The following UTRN variants were observed in gnomAD, a reference collection of about 807,000 sequenced individuals.
UTRN encodes utrophin, also known as dystrophin-related protein 1.
In UTRN, 283 loss-of-function variants were observed where a neutral mutation model predicts 463.9. The observed-to-expected ratio is 0.61, with a 90% confidence interval of 0.55 to 0.67. The LOEUF (loss-of-function observed/expected upper bound fraction) is 0.67, where lower values mean the gene tolerates loss of function less well. UTRN is among the 30% of genes least tolerant of loss of function. UTRN has a pLI of 0.00. For missense variants in UTRN, 3,922 were observed against 4,084.3 expected, an observed-to-expected ratio of 0.96 and a Z score of 1.08; for synonymous variants, 1,442 against 1,431.5, an observed-to-expected ratio of 1.01 and a Z score of -0.17.
At chr6:144,292,032 T>C in intron 2 of UTRN, 125 bp downstream of exon 2, 1 of 887,466 alleles carries the variant, frequency 1.1e-6, no homozygotes, top group Non-Finnish European at 1.6e-6. Context: ...AGAAACTGAA[T>C]TCTGACAAAT....
At chr6:144,660,903 C>T (rs1020477059) in intron 51 of UTRN, among the ~76,000 whole-genome samples, 4 of 152,186 alleles carry the variant, frequency 2.6e-5, no homozygotes, top group African/African-American at 9.7e-5. Flanking sequence ...AGGAAGGCTC[C>T]TGGCACAATC....
intron 74 of UTRN, among the ~76,000 whole-genome samples, chr6:144,847,982 G>A (rs1782163680): frequency 6.6e-6 from 1 of 152,162 alleles, no homozygotes; most frequent in Non-Finnish European, 1.5e-5. Context: ...TTGAAACAAT[G>A]AGCCTTCTGA....
intron 69 of UTRN, among the ~76,000 whole-genome samples, chr6:144,830,736 T>G (rs201569774): frequency 1.6e-5 from 2 of 126,624 alleles, no homozygotes; most frequent in Non-Finnish European, 3.3e-5. Flanking sequence ...TTTGTTTTTT[T>G]TTTGCTTTTT....
At chr6:144,527,672 C>T (rs1796680789) in intron 41 of UTRN, among the ~76,000 whole-genome samples, 1 of 152,118 alleles carries the variant, frequency 6.6e-6, no homozygotes, top group Non-Finnish European at 1.5e-5. Context: ...TTCATGGAGG[C>T]TTTGTTCATT....
chr6:144,649,299 C>T (rs546873173), intron 51 of UTRN, among the ~76,000 whole-genome samples: 2 of 152,108 alleles, frequency 1.3e-5, no homozygotes, highest in African/African-American at 2.4e-5. Flanking sequence ...AGGAATGATG[C>T]CTGGTAGGTA....
rs543164497 is a variant in UTRN at position 144,395,295 on chromosome 6, A to G, written c.80-7828A>G. Among the ~76,000 whole-genome samples the G allele has an allele frequency of 3.3e-5, 5 of 152,296 alleles. No individual in the cohort carries two copies. In the East Asian group the frequency reaches 9.6e-4, roughly 29 times the overall value. ...AATCTTCACTCCAGGACAAAAATTC[A>G]AAGTGAAGTGTTTGTATGTAAGGTT... On this transcript the variant is annotated intron_variant, in intron 2 of 74. Transcript: ENST00000367545.
chr6:144,583,189 C>T (rs1257594107), intron 51 of UTRN: 2 of 299,340 alleles, frequency 6.7e-6, no homozygotes, highest in Non-Finnish European at 1.2e-5. Flanking sequence ...CTCCCGCAGC[C>T]GGCAGCGCTT....
chr6:144,370,044 TG>T lies in UTRN; in HGVS notation c.80-33077del, dbSNP rs1428359925. The stretch of plus-strand genomic sequence containing the variant: ...ATGGACTAATGCAAGAAATTTGTAC[TG>T]GTAGAGTTGGGTACTGCTAATTAAG... On this transcript the variant is annotated intron_variant, in intron 2 of 74. Coordinates refer to ENST00000367545, the MANE Select transcript of UTRN (RefSeq NM_007124.3). Among the ~76,000 whole-genome samples, 8 of 152,224 alleles carry T rather than the reference TG, an allele frequency of 5.3e-5. No homozygotes were observed. The East Asian group carries it at 1.5e-3, about 29-fold the overall frequency.
chr6:144,402,661 G>C (rs1783029304), intron 2 of UTRN, among the ~76,000 whole-genome samples: 1 of 152,128 alleles, frequency 6.6e-6, no homozygotes, highest in Admixed American at 6.5e-5. Flanking sequence ...CATTCTAGAG[G>C]GTGTAGGACC....
chr6:144,554,545 T>G, intron 48 of UTRN, 143 bp from the exon 49 acceptor site: 1 of 837,848 alleles, frequency 1.2e-6, no homozygotes, highest in Non-Finnish European at 1.8e-6. Context: ...CAGATGTATA[T>G]TAAAATTCCT....
At chr6:144,632,938 C>G (rs1163506025) in intron 51 of UTRN, among the ~76,000 whole-genome samples, 1 of 152,052 alleles carries the variant, frequency 6.6e-6, no homozygotes, top group Non-Finnish European at 1.5e-5. Context: ...TCAGGCTGGT[C>G]TTGAACTCTC....
At chr6:144,746,485 T>C (rs2128721695) in intron 54 of UTRN, among the ~76,000 whole-genome samples, 1 of 152,186 alleles carries the variant, frequency 6.6e-6, no homozygotes, top group East Asian at 1.9e-4. Flanking sequence ...TTTTTTTATT[T>C]TTATTTTTAT....
intron 51 of UTRN, among the ~76,000 whole-genome samples, chr6:144,599,578 C>T (rs976114943): frequency 6.6e-6 from 1 of 151,940 alleles, no homozygotes; most frequent in Non-Finnish European, 1.5e-5. Flanking sequence ...CAGCAAATCA[C>T]TTATAATTTT....
At chr6:144,693,798 A>ACTATAAAGT (rs1199438332) in intron 52 of UTRN, among the ~76,000 whole-genome samples, 1 of 152,144 alleles carries the variant, frequency 6.6e-6, no homozygotes, top group Non-Finnish European at 1.5e-5. Flanking sequence ...TTGGGCTGAG[A>ACTATAAAGT]CTATAAAGTT....
At chr6:144,636,452 G>A (rs924630503) in intron 51 of UTRN, among the ~76,000 whole-genome samples, 1 of 152,074 alleles carries the variant, frequency 6.6e-6, no homozygotes, top group African/African-American at 2.4e-5. Flanking sequence ...TAGATGATGG[G>A]TTGATAGGCG....
rs1327724650 is a variant in UTRN, at chr6:144,401,358, A to G, written c.80-1765A>G. Among the ~76,000 whole-genome samples, 7 of 152,092 alleles carry G rather than the reference A, an allele frequency of 4.6e-5. 1 individual carries two copies. On this transcript the variant is annotated intron_variant, in intron 2 of 74. Coordinates refer to ENST00000367545, the MANE Select transcript of UTRN (RefSeq NM_007124.3). ...GCTGGTATATCCCCCCTTCAGGTTG[A>G]TGTGTGGTGGTAGCCTTATATTCTG... is the stretch of plus-strand genomic sequence containing the variant.
intron 50 of UTRN, among the ~76,000 whole-genome samples, chr6:144,558,260 G>T (rs1305659643): frequency 1.3e-5 from 2 of 152,150 alleles, no homozygotes; most frequent in East Asian, 3.8e-4. Flanking sequence ...AAAGAAGAGG[G>T]TTATGATGGC....
At chr6:144,815,684 C>CTTTGTTT (rs1779013902) in intron 65 of UTRN, among the ~76,000 whole-genome samples, 2 of 152,198 alleles carry the variant, frequency 1.3e-5, no homozygotes, top group Non-Finnish European at 2.9e-5. Flanking sequence ...CTCCTGCCTG[C>CTTTGTTT]TTTGTTCTAG....
intron 58 of UTRN, among the ~76,000 whole-genome samples, chr6:144,769,097 A>G (rs1329295512): frequency 4.0e-5 from 6 of 151,736 alleles, no homozygotes; most frequent in Admixed American, 6.6e-5. Flanking sequence ...CCCTGTTCAT[A>G]TTTGAGATTA....
Sources: gnomAD v4.1 joint callset for allele counts (sites outside exome capture counted in the v4.1 genomes callset) on GRCh38, gnomAD v4.1.1 for gene constraint, MANE v1.5 for transcripts, NCBI Gene and HGNC (gene_info 2026-07-23, HGNC 2026-07-21) for gene names.